The following DAPK1 variants were observed in gnomAD, a reference collection of about 807,000 sequenced individuals.
The protein encoded by DAPK1 is death associated protein kinase 1.
DAPK1 carries 56 observed loss-of-function variants against 144.9 expected under a neutral mutation model. The ratio of observed to expected loss-of-function variants is 0.39; its 90% confidence interval spans 0.31 to 0.48. The LOEUF is 0.48. Ranked by LOEUF, DAPK1 falls within the 20% of genes least tolerant of loss-of-function variation. The probability of loss-of-function intolerance (pLI) is 0.95; values close to 1 mark genes in which losing one functional copy is unlikely to be tolerated. For synonymous variants in DAPK1, 690 were observed against 749.0 expected, an observed-to-expected ratio of 0.92 and a Z score of 1.29; for missense variants, 1,454 against 1,875.4, an observed-to-expected ratio of 0.78 and a Z score of 4.15.
intron 3 of DAPK1, among the ~76,000 whole-genome samples, chr9:87,612,801 G>T (rs1365793179): frequency 3.3e-5 from 5 of 152,154 alleles, no homozygotes; most frequent in Admixed American, 2.0e-4. Context: ...CGGGGGTGGG[G>T]GTTTGGAGTC....
intron 2 of DAPK1, among the ~76,000 whole-genome samples, chr9:87,540,273 T>G (rs1247547822): frequency 7.1e-6 from 1 of 140,958 alleles, no homozygotes; most frequent in Non-Finnish European, 1.5e-5. Flanking sequence ...CACTGCAGCC[T>G]CTGCCTCCCG....
intron 2 of DAPK1, among the ~76,000 whole-genome samples, chr9:87,511,385 G>A (rs933885705): frequency 1.3e-5 from 2 of 152,164 alleles, no homozygotes. Flanking sequence ...AGCTTCAAGG[G>A]ATACCCTTTT....
At chr9:87,581,894 T>C (rs542879025) in intron 2 of DAPK1, among the ~76,000 whole-genome samples, 1 of 152,224 alleles carries the variant, frequency 6.6e-6, no homozygotes, top group Admixed American at 6.5e-5. Flanking sequence ...CTCATTTTCT[T>C]TAATTTGAGA....
chr9:87,540,549 A>T (rs7046117), intron 2 of DAPK1, among the ~76,000 whole-genome samples: 4,673 of 152,230 alleles, frequency 0.031, 253 homozygotes, highest in African/African-American at 0.11. Flanking sequence ...AGGTCTGTAT[A>T]TATAGGAAGA....
rs140176368 is a variant in DAPK1, at chr9:87,681,779, G to A, written c.2224+153G>A. 5.0e-3 allele frequency: 3,280 copies of A among 656,066 alleles called. 27 individuals carry two copies. The highest frequency in any genetic ancestry group is 9.9e-3 in the Middle Eastern group (34 of 3,424). 40.6% of individuals were successfully genotyped at this position (656,066 alleles called of 1,614,324 possible). On this transcript the variant is annotated intron_variant, in intron 20 of 25. Coordinates refer to ENST00000408954, the MANE Select transcript of DAPK1 (RefSeq NM_004938.4). ...GTGGTTTTCAGGTCCAGGTTGGCTG[G>A]TAGCCTTGTGTGTGCTGCCTGTTGT... is the stretch of plus-strand genomic sequence containing the variant.
At chr9:87,704,612 C>T (rs1229165096) in intron 25 of DAPK1, among the ~76,000 whole-genome samples, 1 of 152,234 alleles carries the variant, frequency 6.6e-6, no homozygotes, top group African/African-American at 2.4e-5. Context: ...TTCTCCTCCA[C>T]TATGGGACAG....
intron 2 of DAPK1, among the ~76,000 whole-genome samples, chr9:87,501,214 T>C (rs1824377911): frequency 6.6e-6 from 1 of 152,198 alleles, no homozygotes; most frequent in Non-Finnish European, 1.5e-5. Context: ...AGTAGACCAG[T>C]ATCTAAGATT....
chr9:87,528,893 C>T (rs1319296284), intron 2 of DAPK1, among the ~76,000 whole-genome samples: 2 of 136,322 alleles, frequency 1.5e-5, no homozygotes, highest in African/African-American at 5.4e-5. Flanking sequence ...AAAAAAAAAT[C>T]ACCTCCAACC....
chr9:87,575,625 G>A (rs1827528456), intron 2 of DAPK1, among the ~76,000 whole-genome samples: 1 of 152,156 alleles, frequency 6.6e-6, no homozygotes, highest in Non-Finnish European at 1.5e-5. Flanking sequence ...TTTAAATGTT[G>A]AGAATCAAAT....
chr9:87,600,337 C>T (rs1436330135), intron 2 of DAPK1, among the ~76,000 whole-genome samples: 3 of 152,162 alleles, frequency 2.0e-5, no homozygotes, highest in East Asian at 1.9e-4. Context: ...TGTAATTCCC[C>T]GACTTTGGGT....
At chr9:87,615,458 G>T (rs1318702608) in intron 3 of DAPK1, among the ~76,000 whole-genome samples, 3 of 152,224 alleles carry the variant, frequency 2.0e-5, no homozygotes, top group Non-Finnish European at 4.4e-5. Flanking sequence ...GAGTTACATA[G>T]AAATGGGCTC....
At chr9:87,546,284 A>G (rs1295373729) in intron 2 of DAPK1, among the ~76,000 whole-genome samples, 2 of 152,188 alleles carry the variant, frequency 1.3e-5, no homozygotes, top group Admixed American at 1.3e-4. Flanking sequence ...GTCAGGAGGC[A>G]GTGGGAGTGA....
rs1306649182 is a variant in DAPK1, at chr9:87,582,212, A to G, written c.63-22742A>G. On this transcript the variant is annotated intron_variant, in intron 2 of 25. Transcript: ENST00000408954. ...AAACAATTGTGAAAGAGTTGCTAGAATTTTGGCTTCTTTTCTGATTGTACC... is the reference window on the plus strand; with the variant it reads ...AAACAATTGTGAAAGAGTTGCTAGAGTTTTGGCTTCTTTTCTGATTGTACC... Among the ~76,000 whole-genome samples, 6 of 152,132 alleles carry G rather than the reference A, an allele frequency of 3.9e-5. No individual in the cohort carries two copies. The East Asian group carries it at 7.7e-4, about 20-fold the overall frequency.
At chr9:87,684,364 C>T (rs1824754834) in intron 20 of DAPK1, among the ~76,000 whole-genome samples, 1 of 152,020 alleles carries the variant, frequency 6.6e-6, no homozygotes, top group Non-Finnish European at 1.5e-5. Flanking sequence ...CAGGCCAGGG[C>T]TCTGGACACC....
At chr9:87,692,799 A>T (rs1258225506) in intron 21 of DAPK1, among the ~76,000 whole-genome samples, 1 of 151,994 alleles carries the variant, frequency 6.6e-6, no homozygotes, top group Non-Finnish European at 1.5e-5. Flanking sequence ...TCCTTCACTT[A>T]TGAAGCATAA....
At chr9:87,543,297 C>A (rs911155854) in intron 2 of DAPK1, among the ~76,000 whole-genome samples, 2 of 152,184 alleles carry the variant, frequency 1.3e-5, no homozygotes, top group Non-Finnish European at 2.9e-5. Flanking sequence ...CACACAAAAA[C>A]AAAATTATAA....
At chr9:87,498,273 G>A (rs1824255191) in intron 1 of DAPK1, among the ~76,000 whole-genome samples, 166 bp downstream of exon 1, 1 of 152,222 alleles carries the variant, frequency 6.6e-6, no homozygotes, top group African/African-American at 2.4e-5. Flanking sequence ...CAGCCGGGAG[G>A]CTTCCCCAGC....
intron 2 of DAPK1, among the ~76,000 whole-genome samples, chr9:87,534,385 T>C (rs1044933014): frequency 9.2e-5 from 14 of 152,020 alleles, no homozygotes; most frequent in African/African-American, 3.4e-4. Context: ...TTTCATTGGA[T>C]CTTCGAAGGC....
intron 19 of DAPK1, 74 bp downstream of exon 19, chr9:87,668,748 T>A: frequency 3.5e-6 from 3 of 867,892 alleles, no homozygotes; most frequent in Non-Finnish European, 6.0e-6. Flanking sequence ...TTTTCCTTAT[T>A]TGAGAATGAG....
Sources: gnomAD v4.1 joint callset for allele counts (sites outside exome capture counted in the v4.1 genomes callset) on GRCh38, gnomAD v4.1.1 for gene constraint, MANE v1.5 for transcripts, NCBI Gene and HGNC (gene_info 2026-07-23, HGNC 2026-07-21) for gene names.